The following TMEM132C variants were observed in gnomAD, a reference collection of about 807,000 sequenced individuals.
TMEM132C encodes transmembrane protein 132C.
TMEM132C carries 29 observed loss-of-function variants against 61.4 expected under a neutral mutation model. The ratio of observed to expected loss-of-function variants is 0.47; its 90% CI spans 0.35 to 0.64. TMEM132C has a LOEUF of 0.64. Ranked by LOEUF, TMEM132C falls within the 30% of genes least tolerant of loss-of-function variation. The pLI, the probability that TMEM132C is intolerant of heterozygous loss-of-function variation, is 0.00. For missense variants in TMEM132C, 1,408 were observed against 1,476.9 expected (o/e 0.95, Z 0.76); for synonymous variants, 656 against 633.1 (o/e 1.04, Z -0.54).
At chr12:128,293,588 G>A (rs1871315945) in intron 1 of TMEM132C, among the ~76,000 whole-genome samples, 1 of 152,126 alleles carries the variant, frequency 6.6e-6, no homozygotes, top group African/African-American at 2.4e-5. Context: ...TAAAGATAAA[G>A]ATGATTGAAC....
At chr12:128,274,348 A>C (rs1411828374) in intron 1 of TMEM132C, among the ~76,000 whole-genome samples, 1 of 152,068 alleles carries the variant, frequency 6.6e-6, no homozygotes, top group Non-Finnish European at 1.5e-5. Flanking sequence ...TTCTTCTCTC[A>C]ATACCCTTCA....
At chr12:128,518,202 A>G (rs1872782401) in intron 2 of TMEM132C, among the ~76,000 whole-genome samples, 1 of 152,210 alleles carries the variant, frequency 6.6e-6, no homozygotes, top group African/African-American at 2.4e-5. Context: ...CCACTGATTT[A>G]TTTGTGCAGA....
chr12:128,665,965 G>A (rs58042378), intron 4 of TMEM132C, among the ~76,000 whole-genome samples: 3,205 of 61,466 alleles, frequency 0.052, 113 homozygotes, highest in African/African-American at 0.14. Context: ...ACACACACAC[G>A]GGCACATGTA....
intron 2 of TMEM132C, among the ~76,000 whole-genome samples, chr12:128,533,943 G>A (rs907241569): frequency 4.7e-5 from 5 of 105,444 alleles, no homozygotes; most frequent in South Asian, 3.4e-4. Flanking sequence ...TCACACATGC[G>A]CACATACACA....
At chr12:128,604,511 G>A (rs930104021) in intron 3 of TMEM132C, among the ~76,000 whole-genome samples, 1 of 150,046 alleles carries the variant, frequency 6.7e-6, no homozygotes, top group Non-Finnish European at 1.5e-5. Context: ...CAGATGGCTA[G>A]ATAGATAAAT....
chr12:128,549,597 G>A (rs947157074), intron 3 of TMEM132C, among the ~76,000 whole-genome samples: 5 of 152,054 alleles, frequency 3.3e-5, no homozygotes, highest in Non-Finnish European at 5.9e-5. Context: ...GAGTCTTATC[G>A]GGGGAAGTTC....
At chr12:128,616,045 A>T in intron 3 of TMEM132C, 107 bp from the exon 4 acceptor site, 1 of 1,353,506 alleles carries the variant, frequency 7.4e-7, no homozygotes, top group African/African-American at 1.5e-5. Flanking sequence ...CCCTGGAGCC[A>T]TCCCTGAGAT....
Position 128,643,986 on chromosome 12 carries a change from TA to T in TMEM132C, c.1306-25430del, listed in dbSNP as rs1954177330. Among the ~76,000 whole-genome samples the T allele has an allele frequency of 5.9e-5, 9 of 152,250 alleles. No homozygotes were observed. The South Asian group carries it at 1.9e-3, about 32-fold the overall frequency. On this transcript the variant is annotated intron_variant, in intron 4 of 8. Coordinates refer to ENST00000435159, the MANE Select transcript of TMEM132C (RefSeq NM_001136103.3). ...AGAAATTAATTGAAATCTGAAATGGTAGATAAATTAAAATGGTCAATATCAT... is the reference window on the plus strand; with the variant it reads ...AGAAATTAATTGAAATCTGAAATGGTGATAAATTAAAATGGTCAATATCAT...
chr12:128,347,397 G>GTCTCTCTCTCTCTCTCTCTCTC (rs55729184), intron 1 of TMEM132C, among the ~76,000 whole-genome samples: 5 of 135,422 alleles, frequency 3.7e-5, no homozygotes, highest in African/African-American at 1.2e-4. Flanking sequence ...GCATATGTAT[G>GTCTCTCTCTCTCTCTCTCTCTC]TCTCTCTCTC....
chr12:128,280,887 T>C (rs9668542), intron 1 of TMEM132C, among the ~76,000 whole-genome samples: 50,741 of 152,070 alleles, frequency 0.33, 8,641 homozygotes, highest in Admixed American at 0.4. Context: ...GTGCTCTAAT[T>C]ATCCAGGCCA....
intron 1 of TMEM132C, among the ~76,000 whole-genome samples, chr12:128,366,062 CG>C (rs1408093295): frequency 2.6e-5 from 4 of 152,206 alleles, no homozygotes; most frequent in African/African-American, 9.6e-5. Flanking sequence ...TTTCGGAAGG[CG>C]CTGTGAATGC....
intron 5 of TMEM132C, among the ~76,000 whole-genome samples, chr12:128,686,980 T>A (rs1202076964): frequency 1.3e-5 from 2 of 151,990 alleles, no homozygotes; most frequent in Admixed American, 1.3e-4. Flanking sequence ...GTGGATTACT[T>A]GAGGCCAAGG....
rs536092721 is a variant in TMEM132C at position 128,496,211 on chromosome 12, C to G, written c.975-47746C>G. Among the ~76,000 whole-genome samples the G allele has an allele frequency of 1.5e-3, 223 of 152,354 alleles. 6 individuals are homozygous for G. In the South Asian group the frequency reaches 0.045, roughly 31 times the overall value. On this transcript the variant is annotated intron_variant, in intron 2 of 8. Transcript: ENST00000435159. ...TTCTGCTGAGAGATCCACTGTTAGT[C>G]TGATGAGCTTCCTTTTGTGGGTAAC...
At chr12:128,591,026 T>A (rs922752869) in intron 3 of TMEM132C, among the ~76,000 whole-genome samples, 2 of 152,160 alleles carry the variant, frequency 1.3e-5, no homozygotes, top group African/African-American at 4.8e-5. Context: ...CAAGTGATCC[T>A]CCTGCCTCAG....
At chr12:128,552,386 A>T (rs1460551705) in intron 3 of TMEM132C, among the ~76,000 whole-genome samples, 1 of 152,230 alleles carries the variant, frequency 6.6e-6, no homozygotes, top group Non-Finnish European at 1.5e-5. Flanking sequence ...TGCTCTGTGT[A>T]CATTATTTCA....
intron 1 of TMEM132C, among the ~76,000 whole-genome samples, chr12:128,336,370 CTG>C (rs1256425033): frequency 6.6e-6 from 1 of 152,120 alleles, no homozygotes; most frequent in African/African-American, 2.4e-5. Flanking sequence ...AATCTGTACT[CTG>C]GGAGGGGTTA....
chr12:128,477,779 A>G (rs1871197957), intron 2 of TMEM132C, among the ~76,000 whole-genome samples: 2 of 152,134 alleles, frequency 1.3e-5, no homozygotes, highest in South Asian at 2.1e-4. Flanking sequence ...ACAGGGTTTC[A>G]CCATATTGGC....
intron 1 of TMEM132C, among the ~76,000 whole-genome samples, chr12:128,380,533 C>T (rs1043442242): frequency 4.6e-5 from 7 of 152,218 alleles, no homozygotes; most frequent in Non-Finnish European, 8.8e-5. Context: ...GAGGGAAGTA[C>T]AATCCATTTT....
chr12:128,452,558 C>T (rs554674201), intron 2 of TMEM132C, among the ~76,000 whole-genome samples: 47 of 147,766 alleles, frequency 3.2e-4, no homozygotes, highest in Non-Finnish European at 5.6e-4. Context: ...TGATGTGCCT[C>T]TCGTCGCAGC....
Sources: allele counts gnomAD v4.1 joint callset (sites outside exome capture counted in the v4.1 genomes callset), GRCh38; gene constraint gnomAD v4.1.1; transcripts MANE v1.5; gene names NCBI Gene and HGNC (gene_info 2026-07-23, HGNC 2026-07-21).